Variants in ASTN2 observed in about 807,000 individuals in gnomAD.
ASTN2 encodes the protein astrotactin-2.
A neutral mutation model predicts 139.8 loss-of-function variants in ASTN2; 54 were observed. The observed-to-expected ratio is 0.39, with a 90% CI of 0.31 to 0.48. ASTN2 has a LOEUF of 0.48. Among genes scored for constraint, ASTN2 ranks in the 20% least tolerant of loss-of-function variants. ASTN2 has a pLI of 0.95. For synonymous variants in ASTN2, 756 were observed against 719.5 expected, an observed-to-expected ratio of 1.05 and a Z score of -0.81; for missense variants, 1,565 against 1,725.1, an observed-to-expected ratio of 0.91 and a Z score of 1.64.
At chr9:116,677,101 C>A (rs945363543) in intron 16 of ASTN2, among the ~76,000 whole-genome samples, 4 of 152,148 alleles carry the variant, frequency 2.6e-5, no homozygotes, top group African/African-American at 9.7e-5. Flanking sequence ...GATAAACAAA[C>A]TATAGATATA....
At chr9:116,840,213 G>C (rs908980240) in intron 11 of ASTN2, among the ~76,000 whole-genome samples, 2 of 148,110 alleles carry the variant, frequency 1.4e-5, no homozygotes, top group Non-Finnish European at 1.5e-5. Context: ...CGATCAACAG[G>C]ATCCCAAGGC....
intron 11 of ASTN2, among the ~76,000 whole-genome samples, chr9:116,834,274 T>C (rs1238582898): frequency 6.6e-6 from 1 of 152,228 alleles, no homozygotes; most frequent in Non-Finnish European, 1.5e-5. Context: ...CTATTTTTGT[T>C]GGGCATAATG....
At chr9:116,796,294 T>C (rs1263582897) in intron 13 of ASTN2, among the ~76,000 whole-genome samples, 9 of 152,184 alleles carry the variant, frequency 5.9e-5, no homozygotes. Context: ...TACAAAGTCA[T>C]TGTATCCCAA....
chr9:117,167,699 C>G (rs1403559318), intron 3 of ASTN2, among the ~76,000 whole-genome samples: 1 of 152,020 alleles, frequency 6.6e-6, no homozygotes, highest in Non-Finnish European at 1.5e-5. Flanking sequence ...AGGCTCTGAA[C>G]AAGGAAGACA....
intron 3 of ASTN2, among the ~76,000 whole-genome samples, chr9:117,194,221 C>T (rs1179141962): frequency 6.6e-6 from 1 of 152,126 alleles, no homozygotes; most frequent in Non-Finnish European, 1.5e-5. Flanking sequence ...CTCCACCAAC[C>T]CCTCAAACTG....
At chr9:117,234,936 AT>A (rs1833001255) in intron 2 of ASTN2, among the ~76,000 whole-genome samples, 1 of 152,150 alleles carries the variant, frequency 6.6e-6, no homozygotes, top group Non-Finnish European at 1.5e-5. Context: ...GTTTTAGTGT[AT>A]TTAAAGAAGG....
At chr9:117,275,291 T>C (rs924055230) in intron 2 of ASTN2, among the ~76,000 whole-genome samples, 1 of 151,992 alleles carries the variant, frequency 6.6e-6, no homozygotes, top group Non-Finnish European at 1.5e-5. Flanking sequence ...TTTTTAGGAA[T>C]TTTTTTTACA....
chr9:116,862,777 G>A (rs1832915532), intron 11 of ASTN2, among the ~76,000 whole-genome samples: 1 of 149,516 alleles, frequency 6.7e-6, no homozygotes, highest in Non-Finnish European at 1.5e-5. Flanking sequence ...TTTCCCAAGT[G>A]TATTTTCAAG....
chr9:116,699,423 C>T lies in ASTN2; in HGVS notation c.2806+26348G>A. On this transcript the variant is annotated intron_variant, in intron 16 of 22. Transcript: ENST00000313400. The surrounding 1 kb of genome is among the most constrained non-coding windows in gnomAD (Gnocchi z 4.2). Reference sequence around the variant, plus strand: ...TGGCTCTGTAGGCCCTGATGGGCAGCTGGGTCGCCAGATTAGCCACTTCTT... The same window carrying T: ...TGGCTCTGTAGGCCCTGATGGGCAGTTGGGTCGCCAGATTAGCCACTTCTT... 1.9e-6 allele frequency: 3 copies of T among 1,614,156 alleles called. No homozygotes were observed. The highest frequency in any genetic ancestry group is 2.5e-6 in the Non-Finnish European group (3 of 1,180,038).
At chr9:116,789,665 T>A (rs1364369141) in intron 13 of ASTN2, among the ~76,000 whole-genome samples, 2 of 152,232 alleles carry the variant, frequency 1.3e-5, no homozygotes, top group African/African-American at 4.8e-5. Context: ...TAAAAGTTAA[T>A]TTTCTTGATA....
intron 3 of ASTN2, among the ~76,000 whole-genome samples, chr9:117,149,264 T>C (rs1373244522): frequency 1.3e-5 from 2 of 152,108 alleles, no homozygotes; most frequent in East Asian, 3.9e-4. Context: ...GTGATCCACC[T>C]GCCTCAGCCT....
chr9:117,237,659 T>C (rs539458467), intron 2 of ASTN2, among the ~76,000 whole-genome samples: 6 of 152,282 alleles, frequency 3.9e-5, no homozygotes, highest in African/African-American at 1.4e-4. Flanking sequence ...TTTTCTATTT[T>C]TAGTAGAGAC....
At chr9:116,869,491 A>C in intron 10 of ASTN2, among the ~76,000 whole-genome samples, 1 of 152,170 alleles carries the variant, frequency 6.6e-6, no homozygotes, top group Admixed American at 6.5e-5. Context: ...TTCATGTTTC[A>C]TTGTGGTCCT....
intron 3 of ASTN2, among the ~76,000 whole-genome samples, chr9:117,167,725 A>G (rs142982864): frequency 2.0e-5 from 3 of 152,272 alleles, no homozygotes; most frequent in African/African-American, 4.8e-5. Context: ...TCTAATCTCA[A>G]GAACTTATGT....
At chr9:116,950,445 A>G (rs1835526139) in intron 10 of ASTN2, among the ~76,000 whole-genome samples, 1 of 152,198 alleles carries the variant, frequency 6.6e-6, no homozygotes, top group African/African-American at 2.4e-5. Flanking sequence ...GGAGAGAGAG[A>G]TATATATTAA....
intron 3 of ASTN2, among the ~76,000 whole-genome samples, chr9:117,174,703 C>A (rs1830875266): frequency 6.6e-6 from 1 of 151,974 alleles, no homozygotes; most frequent in African/African-American, 2.4e-5. Context: ...GACATCACCT[C>A]ACTTGATGCT....
At chr9:116,917,275 G>A (rs1199250391) in intron 10 of ASTN2, among the ~76,000 whole-genome samples, 2 of 152,024 alleles carry the variant, frequency 1.3e-5, no homozygotes, top group African/African-American at 4.8e-5. Context: ...TTTCCTCCCT[G>A]GCACATAGCT....
chr9:116,512,281 C>T (rs556131419), intron 19 of ASTN2, among the ~76,000 whole-genome samples: 15 of 152,200 alleles, frequency 9.9e-5, no homozygotes, highest in Admixed American at 7.8e-4. Flanking sequence ...GTCAGGAGCA[C>T]GTTGCTCAGT....
chr9:116,654,367 G>A (rs1177403259), intron 16 of ASTN2, among the ~76,000 whole-genome samples: 1 of 152,164 alleles, frequency 6.6e-6, no homozygotes. Context: ...GGCAACCCCT[G>A]CTCTTGACCT....
Sources: allele counts gnomAD v4.1 joint callset (sites outside exome capture counted in the v4.1 genomes callset), GRCh38; gene constraint gnomAD v4.1.1; non-coding constraint Gnocchi (gnomAD v3.1); transcripts MANE v1.5; gene names NCBI Gene and HGNC (gene_info 2026-07-23, HGNC 2026-07-21).